PXDNL: variants seen among roughly 807,000 people sequenced by gnomAD.
PXDNL encodes peroxidasin like.
PXDNL carries 145 observed loss-of-function variants against 150.8 expected under a neutral mutation model. The ratio of observed to expected loss-of-function variants is 0.96; its 90% CI spans 0.84 to 1.10. The LOEUF (loss-of-function observed/expected upper bound fraction) is 1.10, where lower values mean the gene tolerates loss of function less well. Ranked by LOEUF, PXDNL falls within the 50% of genes least tolerant of loss-of-function variation. PXDNL has a pLI of 0.00. For synonymous variants in PXDNL, 757 were observed against 725.7 expected, an observed-to-expected ratio of 1.04 and a Z score of -0.69; for missense variants, 2,087 against 1,873.9, an observed-to-expected ratio of 1.11 and a Z score of -2.10.
intron 14 of PXDNL, among the ~76,000 whole-genome samples, chr8:51,417,703 A>G (rs1305972283): frequency 1.3e-5 from 2 of 152,174 alleles, no homozygotes; most frequent in Non-Finnish European, 1.5e-5. Context: ...TTTCCCTATA[A>G]AGAGTGATGC....
At chr8:51,445,405 C>T (rs1473255350) in intron 12 of PXDNL, among the ~76,000 whole-genome samples, 1 of 152,190 alleles carries the variant, frequency 6.6e-6, no homozygotes, top group African/African-American at 2.4e-5. Context: ...TTCTCTAAAA[C>T]ACTTGTTTGC....
intron 8 of PXDNL, among the ~76,000 whole-genome samples, chr8:51,462,748 T>C (rs1281938306): frequency 6.6e-6 from 1 of 151,974 alleles, no homozygotes; most frequent in East Asian, 1.9e-4. Flanking sequence ...TCCACAAAAA[T>C]TTCCCCAATA....
intron 4 of PXDNL, among the ~76,000 whole-genome samples, chr8:51,530,259 A>C (rs989524876): frequency 1.3e-5 from 2 of 152,154 alleles, no homozygotes; most frequent in Non-Finnish European, 2.9e-5. Context: ...AGCGGCAAAA[A>C]GGGATCTAGC....
chr8:51,377,034 C>G (rs1010044971), intron 17 of PXDNL, among the ~76,000 whole-genome samples: 11 of 150,600 alleles, frequency 7.3e-5, no homozygotes, highest in Non-Finnish European at 1.5e-5. Flanking sequence ...TCTTTAAGTG[C>G]TAGAGCATCC....
At chr8:51,615,838 G>C (rs1310296749) in intron 2 of PXDNL, among the ~76,000 whole-genome samples, 2 of 152,138 alleles carry the variant, frequency 1.3e-5, no homozygotes, top group Non-Finnish European at 2.9e-5. Context: ...TACATTCCTT[G>C]CTCCTCAGTG....
At chr8:51,770,823 A>G (rs981027373) in intron 1 of PXDNL, among the ~76,000 whole-genome samples, 1 of 152,186 alleles carries the variant, frequency 6.6e-6, no homozygotes, top group African/African-American at 2.4e-5. Context: ...CCCGCTCTCA[A>G]TGATGGATGG....
chr8:51,532,441 T>C (rs568819587), intron 4 of PXDNL, among the ~76,000 whole-genome samples: 49 of 152,320 alleles, frequency 3.2e-4, no homozygotes, highest in African/African-American at 1.2e-3. Flanking sequence ...TCACAGTTAC[T>C]ACAGCATTAA....
chr8:51,382,092 C>G (rs1173974438), intron 17 of PXDNL, among the ~76,000 whole-genome samples: 2 of 152,116 alleles, frequency 1.3e-5, no homozygotes, highest in Non-Finnish European at 2.9e-5. Context: ...CCGCCTTGGC[C>G]TCCCAAAGTG....
chr8:51,607,872 G>GGAAGGAAGGAAGGAAGGAAA (rs1563481438), intron 2 of PXDNL, among the ~76,000 whole-genome samples: 25 of 118,254 alleles, frequency 2.1e-4, no homozygotes, highest in African/African-American at 9.5e-4. Context: ...AAGGAAGGAA[G>GGAAGGAAGGAAGGAAGGAAA]GAAGGAAGGA....
In PXDNL at chr8:51,554,127, A is replaced by G. The variant is rs142244032; in HGVS notation, c.380+2713T>C. ...CTTATCGTGTGAGGTTTACAAATAC[A>G]TACTAAAACATAAATCTGCTGCCAA... On this transcript the variant is annotated intron_variant, in intron 4 of 22. Coordinates refer to ENST00000356297, the MANE Select transcript of PXDNL (RefSeq NM_144651.5). 1.5e-3 allele frequency among the ~76,000 whole-genome samples: 223 copies of G among 152,332 alleles called. 1 individual carries two copies. The highest frequency in any genetic ancestry group is 5.1e-3 in the African/African-American group (211 of 41,576).
chr8:51,466,582 T>A (rs751912588), intron 8 of PXDNL, among the ~76,000 whole-genome samples: 3 of 151,970 alleles, frequency 2.0e-5, no homozygotes, highest in Admixed American at 6.6e-5. Context: ...CACAGCAAGA[T>A]AAACTATCAA....
At chr8:51,747,352 A>G (rs1240754851) in intron 1 of PXDNL, among the ~76,000 whole-genome samples, 1 of 152,178 alleles carries the variant, frequency 6.6e-6, no homozygotes, top group Non-Finnish European at 1.5e-5. Flanking sequence ...CTTTGCCACC[A>G]CCATCAGGTG....
intron 17 of PXDNL, among the ~76,000 whole-genome samples, chr8:51,387,876 T>C (rs1308232639): frequency 6.6e-6 from 1 of 152,200 alleles, no homozygotes; most frequent in Non-Finnish European, 1.5e-5. Context: ...CTCAGTTTTA[T>C]ATTCTGGACT....
intron 3 of PXDNL, among the ~76,000 whole-genome samples, chr8:51,570,296 A>G (rs963333827): frequency 3.3e-5 from 5 of 151,926 alleles, no homozygotes; most frequent in African/African-American, 9.7e-5. Context: ...TAAAGCTGGG[A>G]GAGGCCCACC....
At chr8:51,599,512 A>G (rs1813646762) in intron 2 of PXDNL, among the ~76,000 whole-genome samples, 1 of 151,046 alleles carries the variant, frequency 6.6e-6, no homozygotes, top group African/African-American at 2.4e-5. Context: ...TTTCCATGTA[A>G]GGGTGAGGTT....
At chr8:51,705,886 C>T (rs987002342) in intron 1 of PXDNL, among the ~76,000 whole-genome samples, 2 of 152,090 alleles carry the variant, frequency 1.3e-5, no homozygotes, top group Non-Finnish European at 2.9e-5. Context: ...CTTACATGCA[C>T]AAAGATATTC....
At chr8:51,702,778 GTCTAAGTACA>G (rs1317100051) in intron 1 of PXDNL, among the ~76,000 whole-genome samples, 2 of 152,160 alleles carry the variant, frequency 1.3e-5, no homozygotes, top group East Asian at 3.9e-4. Flanking sequence ...TCAGAATTTG[GTCTAAGTACA>G]TCAATGGCCC....
chr8:51,597,966 G>C lies in PXDNL; in HGVS notation c.237-5268C>G, dbSNP rs138377020. 7.2e-4 allele frequency among the ~76,000 whole-genome samples: 109 copies of C among 152,092 alleles called. 1 individual carries two copies. The highest frequency in any genetic ancestry group is 2.6e-3 in the African/African-American group (106 of 41,502). The stretch of plus-strand genomic sequence containing the variant: ...CAACCTCAGGTGATCCATCTGCCTT[G>C]GCCTCCCAAAGTACTGGGATTACAG... On this transcript the variant is annotated intron_variant, in intron 2 of 22. Transcript: ENST00000356297.
At chr8:51,613,491 G>GT (rs62818461) in intron 2 of PXDNL, among the ~76,000 whole-genome samples, 2 of 38,454 alleles carry the variant, frequency 5.2e-5, no homozygotes, top group Admixed American at 6.0e-4. Context: ...GGGCGGGGGG[G>GT]GGGCAGGGCG....
Sources: allele counts gnomAD v4.1 joint callset (sites outside exome capture counted in the v4.1 genomes callset), GRCh38; gene constraint gnomAD v4.1.1; transcripts MANE v1.5; gene names NCBI Gene and HGNC (gene_info 2026-07-23, HGNC 2026-07-21).